HIVEP1: variants seen among roughly 807,000 people sequenced by gnomAD.
The protein encoded by HIVEP1 is HIVEP zinc finger 1, also known as zinc finger protein 40.
A neutral mutation model predicts 180.0 loss-of-function variants in HIVEP1; 36 were observed. The ratio of observed to expected loss-of-function variants is 0.20; its 90% CI spans 0.15 to 0.26. HIVEP1 has a LOEUF of 0.26. HIVEP1 is among the 10% of genes least tolerant of loss of function. The probability of loss-of-function intolerance (pLI) is 1.00; values close to 1 mark genes in which losing one functional copy is unlikely to be tolerated. For synonymous variants in HIVEP1, 1,239 were observed against 1,239.0 expected (o/e 1.00, Z 0.00); for missense variants, 3,143 against 3,268.7 (o/e 0.96, Z 0.94).
At chr6:12,093,481 A>G (rs1035416924) in intron 3 of HIVEP1, among the ~76,000 whole-genome samples, 2 of 151,220 alleles carry the variant, frequency 1.3e-5, no homozygotes, top group Non-Finnish European at 3.0e-5. Context: ...TATATTTTCT[A>G]TATTTTCTTC....
At chr6:12,056,348 ATAT>A (rs1770869838) in intron 2 of HIVEP1, among the ~76,000 whole-genome samples, 1 of 152,170 alleles carries the variant, frequency 6.6e-6, no homozygotes, top group South Asian at 2.1e-4. Flanking sequence ...GGAAAGATTA[ATAT>A]TAATAATAAT....
chr6:12,059,456 A>G (rs1344007855), intron 2 of HIVEP1, among the ~76,000 whole-genome samples: 1 of 152,210 alleles, frequency 6.6e-6, no homozygotes, highest in African/African-American at 2.4e-5. Context: ...TTGTAATGTG[A>G]TTGTGTTATT....
chr6:12,008,201 C>T (rs1315926275), upstream of HIVEP1: 1 of 152,064 alleles, frequency 6.6e-6, no homozygotes, highest in African/African-American at 2.4e-5. Flanking sequence ...ATATTTTGAC[C>T]CATAAGGGAA....
chr6:12,142,600 G>A (rs1056703044), intron 7 of HIVEP1, among the ~76,000 whole-genome samples: 3 of 152,110 alleles, frequency 2.0e-5, no homozygotes, highest in African/African-American at 7.2e-5. Flanking sequence ...CCAGGAGCTG[G>A]TTTTTTGAAA....
rs1262861533 is a variant in HIVEP1, at chr6:12,142,894, A to G, written c.6487+7002A>G. ...CTCTGAAATTGAGGCAATAATTAATAGGCTACCAACCAAAAAAAGTCCAGG... is the reference window on the plus strand; with the variant it reads ...CTCTGAAATTGAGGCAATAATTAATGGGCTACCAACCAAAAAAAGTCCAGG... On this transcript the variant is annotated intron_variant, in intron 7 of 8. Coordinates refer to ENST00000379388, the MANE Select transcript of HIVEP1 (RefSeq NM_002114.4). 4.6e-5 allele frequency among the ~76,000 whole-genome samples: 7 copies of G among 152,238 alleles called. No individual in the cohort carries two copies. The East Asian group carries it at 1.3e-3, about 29-fold the overall frequency.
At position 12,161,771 on chromosome 6, in the gene HIVEP1, C is replaced by T; in HGVS notation, c.6820C>T (p.Pro2274Ser). The T allele has an allele frequency of 6.2e-7, 1 of 1,614,172 alleles. No individual in the cohort carries two copies. The highest frequency in any genetic ancestry group is 8.5e-7 in the Non-Finnish European group (1 of 1,180,016). Residue 2274 changes from proline (P) to serine (S), a missense_variant, in exon 8 of 9, where the codon CCG (proline) becomes TCG (serine). Pro to Ser is a moderately conservative substitution (Grantham distance 74). Coordinates refer to ENST00000379388, the MANE Select transcript of HIVEP1 (RefSeq NM_002114.4). ...TGACTACAATAGGAAGACACTCTCTCCGGGGAAGGCCAGGCAGCGTGCTGC... is the reference window on the plus strand; with the variant it reads ...TGACTACAATAGGAAGACACTCTCTTCGGGGAAGGCCAGGCAGCGTGCTGC... Reference protein sequence around the residue: ...QSDYNRKTLSPGKARQRAARD... With the variant: ...QSDYNRKTLSSGKARQRAARD...
At chr6:12,106,808 C>G (rs1774458391) in intron 3 of HIVEP1, among the ~76,000 whole-genome samples, 1 of 152,174 alleles carries the variant, frequency 6.6e-6, no homozygotes, top group Admixed American at 6.5e-5. Flanking sequence ...GGAGATTTTT[C>G]TAGGATCTGG....
intron 7 of HIVEP1, among the ~76,000 whole-genome samples, chr6:12,148,036 A>G (rs1759476000): frequency 6.6e-6 from 1 of 152,224 alleles, no homozygotes; most frequent in Non-Finnish European, 1.5e-5. Context: ...TGTTATAAAG[A>G]GAGCAGTGTG....
At chr6:12,059,851 T>C (rs1207577780) in intron 2 of HIVEP1, among the ~76,000 whole-genome samples, 1 of 152,182 alleles carries the variant, frequency 6.6e-6, no homozygotes, top group Non-Finnish European at 1.5e-5. Context: ...ACGTAGCACA[T>C]TGGTAGATAC....
chr6:12,069,318 A>G (rs1290394018), intron 2 of HIVEP1, among the ~76,000 whole-genome samples: 3 of 152,214 alleles, frequency 2.0e-5, no homozygotes, highest in African/African-American at 7.2e-5. Context: ...CAACCTGTAT[A>G]GGACACTTAC....
At chr6:12,017,577 G>A (rs1176379132) in intron 2 of HIVEP1, among the ~76,000 whole-genome samples, 1 of 152,004 alleles carries the variant, frequency 6.6e-6, no homozygotes, top group Non-Finnish European at 1.5e-5. Flanking sequence ...CTCCCGTCTG[G>A]CCCCACCCAC....
Position 12,163,366 on chromosome 6 carries a change from A to G in HIVEP1, c.7062A>G (p.Pro2354=), listed in dbSNP as rs1760526213. ...CGGGGATGCCTTCTGTGGCCTCACC[A>G]CATCCTGACCCTCAAGAACAGAAGC... ...TAAGMPSVAS[P]HPDPQEQKQQ... The change falls in exon 9 of 9, where the codon CCA becomes CCG. Residue 2354 remains proline (P), a synonymous_variant. Coordinates refer to ENST00000379388, the MANE Select transcript of HIVEP1 (RefSeq NM_002114.4). The G allele has an allele frequency of 6.2e-7, 1 of 1,614,012 alleles. No individual in the cohort carries two copies. Among genetic ancestry groups the G allele is most frequent in the Non-Finnish European group, 8.5e-7 (1 of 1,180,026 alleles).
At chr6:12,045,303 G>A (rs1770053185) in intron 2 of HIVEP1, among the ~76,000 whole-genome samples, 1 of 152,240 alleles carries the variant, frequency 6.6e-6, no homozygotes, top group African/African-American at 2.4e-5. Flanking sequence ...GGATGGAGAG[G>A]CAGGGCAGCT....
chr6:12,087,502 T>C (rs1773186642), intron 2 of HIVEP1, among the ~76,000 whole-genome samples: 1 of 152,146 alleles, frequency 6.6e-6, no homozygotes, highest in Non-Finnish European at 1.5e-5. Context: ...ATAGAAATAA[T>C]AGTGCTTTGG....
downstream of HIVEP1, chr6:12,165,162 T>G (rs780649339): frequency 5.9e-6 from 3 of 507,978 alleles, no homozygotes; most frequent in South Asian, 4.3e-5. Flanking sequence ...GTAACTGAAA[T>G]CCATACAACT....
chr6:12,177,304 C>G, the HIVEP1 span, among the ~76,000 whole-genome samples: 4 of 152,080 alleles, frequency 2.6e-5, no homozygotes, highest in African/African-American at 4.8e-5. Context: ...ACAGGTACCC[C>G]CAAACCTAAA....
At chr6:12,114,133 C>G (rs1775076463) in intron 3 of HIVEP1, among the ~76,000 whole-genome samples, 1 of 152,146 alleles carries the variant, frequency 6.6e-6, no homozygotes, top group African/African-American at 2.4e-5. Flanking sequence ...ACTTTACAGC[C>G]ATATCCCCAG....
intron 2 of HIVEP1, among the ~76,000 whole-genome samples, chr6:12,044,799 G>GC (rs949980684): frequency 6.8e-6 from 1 of 147,634 alleles, no homozygotes; most frequent in African/African-American, 2.5e-5. Context: ...GGCTCACTGT[G>GC]CCCCCCTCAA....
At chr6:12,050,594 A>T (rs4454118) in intron 2 of HIVEP1, among the ~76,000 whole-genome samples, 25,924 of 150,332 alleles carry the variant, frequency 0.17, 2,469 homozygotes, top group Non-Finnish European at 0.22. Flanking sequence ...TCAAAAAAAA[A>T]AAAATAAAAA....
Sources: allele counts gnomAD v4.1 joint callset (sites outside exome capture counted in the v4.1 genomes callset), GRCh38; gene constraint gnomAD v4.1.1; transcripts MANE v1.5; gene names NCBI Gene and HGNC (gene_info 2026-07-23, HGNC 2026-07-21).